The following PSG6 variants were observed in gnomAD, a reference collection of about 807,000 sequenced individuals.
PSG6 encodes the protein pregnancy specific beta-1-glycoprotein 6.
In PSG6, 51 loss-of-function variants were observed where a neutral mutation model predicts 43.3. That is an observed-to-expected ratio of 1.18 (90% CI 0.94 to 1.49). The LOEUF (loss-of-function observed/expected upper bound fraction) is 1.49. Among genes scored for constraint, PSG6 ranks in the 40% most tolerant of loss-of-function variants. The pLI is 0.00. For missense variants in PSG6, 770 were observed against 522.2 expected (o/e 1.47, Z -4.62); for synonymous variants, 292 against 197.6 (o/e 1.48, Z -4.01).
intron 2 of PSG6, among the ~76,000 whole-genome samples, chr19:42,914,812 G>A (rs1419780494): frequency 2.6e-5 from 4 of 151,654 alleles, no homozygotes; most frequent in African/African-American, 4.8e-5. Context: ...CAGGGTGTGA[G>A]TGGGGAAAGA....
intron 4 of PSG6, 51 bp from the exon 5 acceptor site, chr19:42,907,227 T>A (rs747982877): frequency 1.9e-6 from 3 of 1,589,538 alleles, no homozygotes; most frequent in African/African-American, 2.7e-5. Context: ...GGGAAGGGGA[T>A]GCTCCTGGTC....
chr19:42,902,834 A>C (rs1022225008), intron 5 of PSG6, among the ~76,000 whole-genome samples: 6 of 151,304 alleles, frequency 4.0e-5, no homozygotes, highest in South Asian at 2.1e-4. Context: ...GATTCTTTGC[A>C]CTTAGCTTTT....
chr19:42,912,328 A>G (rs948181210), intron 2 of PSG6, among the ~76,000 whole-genome samples: 2 of 151,690 alleles, frequency 1.3e-5, no homozygotes, highest in Non-Finnish European at 2.9e-5. Context: ...GGAAACCTTA[A>G]AATGTTTTCA....
intron 2 of PSG6, among the ~76,000 whole-genome samples, chr19:42,913,077 A>C (rs1318230947): frequency 6.6e-6 from 1 of 151,554 alleles, no homozygotes; most frequent in Non-Finnish European, 1.5e-5. Flanking sequence ...GTTTCTATTG[A>C]CACATTCTCA....
intron 1 of PSG6, 147 bp from the exon 2 acceptor site, chr19:42,916,634 ATG>A (rs1972341292): frequency 7.8e-7 from 1 of 1,284,438 alleles, no homozygotes; most frequent in Non-Finnish European, 1.1e-6. Flanking sequence ...ACAAAAGGGC[ATG>A]TGTGTTTGTG....
At chr19:42,915,174 A>C (rs1416420202) in intron 2 of PSG6, 1 of 151,586 alleles carries the variant, frequency 6.6e-6, no homozygotes, top group Non-Finnish European at 1.5e-5. Context: ...TGTTTGTGTG[A>C]CTGTGGCTCA....
Position 42,902,101 on chromosome 19 carries a change from A to T in PSG6, c.*311T>A. On this transcript the variant is annotated 3_prime_UTR_variant, in exon 6 of 6. Coordinates refer to ENST00000187910, the MANE Select transcript of PSG6 (RefSeq NM_001031850.4). ...AGATTCTTACTGAACTTGTGCAAAT[A>T]ACTTTATTACCATAAACCTATGAAT... 1 of 266,894 alleles carries T rather than the reference A, an allele frequency of 3.7e-6. No individual in the cohort carries two copies. Among genetic ancestry groups the T allele is most frequent in the Non-Finnish European group, 7.2e-6 (1 of 139,050 alleles). The allele number at this position is 266,894 out of a possible 1,614,324, so 16.5% of individuals were successfully genotyped here.
intron 5 of PSG6, 46 bp from the exon 6 acceptor site, chr19:42,902,492 T>C: frequency 6.2e-7 from 1 of 1,600,814 alleles, no homozygotes; most frequent in Non-Finnish European, 8.5e-7. Flanking sequence ...ATTCACTACC[T>C]CCTTTACAGA....
chr19:42,907,999 A>AT, intron 3 of PSG6, 145 bp from the exon 4 acceptor site: 1 of 1,293,998 alleles, frequency 7.7e-7, no homozygotes, highest in South Asian at 1.4e-5. Context: ...AGACAGATGT[A>AT]TGATGATCTA....
intron 5 of PSG6, among the ~76,000 whole-genome samples, chr19:42,902,881 C>T (rs766715086): frequency 6.6e-5 from 10 of 151,486 alleles, no homozygotes; most frequent in Non-Finnish European, 1.2e-4. Context: ...TAACCATGTC[C>T]TAGTGTTTTA....
At chr19:42,917,284 C>T (rs1972354726) in intron 1 of PSG6, among the ~76,000 whole-genome samples, 1 of 151,218 alleles carries the variant, frequency 6.6e-6, no homozygotes, top group African/African-American at 2.4e-5. Flanking sequence ...ATTTTGACCC[C>T]TGTCCCTCTC....
intron 2 of PSG6, chr19:42,915,638 C>T (rs1425753344): frequency 1.1e-5 from 2 of 180,040 alleles, no homozygotes; most frequent in South Asian, 1.6e-4. Context: ...CTGGTAAATC[C>T]TTGGTCCCAG....
In PSG6 at chr19:42,907,286, A is replaced by G. The variant is rs540311164; in HGVS notation, c.986-110T>C. The G allele has an allele frequency of 3.3e-6, 5 of 1,508,754 alleles. No individual in the cohort carries two copies. The East Asian group carries it at 9.0e-5, about 27-fold the overall frequency. 93.5% of individuals were successfully genotyped at this position (1,508,754 alleles called of 1,614,324 possible). On this transcript the variant is annotated intron_variant, in intron 4 of 5. Transcript: ENST00000187910. ...CTGAACCAAGACACAACCTCAAGTG[A>G]CAGCCAAATCCCATCTATGTTTACT...
intron 5 of PSG6, chr19:42,903,696 A>G: frequency 3.9e-6 from 6 of 1,529,456 alleles, no homozygotes; most frequent in Middle Eastern, 2.3e-4. Flanking sequence ...TTGGACCAGC[A>G]TAGGTAACCT....
At chr19:42,905,117 C>G (rs1198544155) in intron 5 of PSG6, among the ~76,000 whole-genome samples, 1 of 151,474 alleles carries the variant, frequency 6.6e-6, no homozygotes, top group Non-Finnish European at 1.5e-5. Context: ...ACACCATGTA[C>G]AAAAATTAAC....
chr19:42,913,883 C>G (rs1358595115), intron 2 of PSG6, among the ~76,000 whole-genome samples: 2 of 151,584 alleles, frequency 1.3e-5, no homozygotes, highest in Admixed American at 1.3e-4. Context: ...ATTTTTTAGT[C>G]CTGTGCCCCT....
chr19:42,907,089 T>A lies in PSG6; in HGVS notation c.1073A>T (p.Asn358Ile), dbSNP rs1400481989. ...NLDLSCFADS[N>I]PPAEYSWTIN... ...TGTCCAAGAATACTCTGCCGGTGGGTTAGAGTCCGCAAAGCAGGACAAGTC... is the reference window on the plus strand; with the variant it reads ...TGTCCAAGAATACTCTGCCGGTGGGATAGAGTCCGCAAAGCAGGACAAGTC... The change falls in exon 5 of 6, where the codon AAC becomes ATC. Residue 358 changes from asparagine to isoleucine, a missense_variant. Asn to Ile is a moderately radical substitution (Grantham distance 149). Coordinates refer to ENST00000187910, the MANE Select transcript of PSG6 (RefSeq NM_001031850.4). The A allele has an allele frequency of 1.2e-6, 2 of 1,612,622 alleles. No individual in the cohort carries two copies. The highest frequency in any genetic ancestry group is 2.2e-5 in the South Asian group (2 of 90,838).
chr19:42,903,757 T>C (rs529393016), intron 5 of PSG6: 2 of 1,514,444 alleles, frequency 1.3e-6, no homozygotes, highest in African/African-American at 1.4e-5. Context: ...GCTGGGCATG[T>C]TGACATGCAC....
At chr19:42,910,181 A>G in intron 3 of PSG6, 1 of 341,702 alleles carries the variant, frequency 2.9e-6, no homozygotes, top group Non-Finnish European at 5.5e-6. Flanking sequence ...CATGCGGAGC[A>G]AAGAGAATAA....
Sources: gnomAD v4.1 joint callset for allele counts (sites outside exome capture counted in the v4.1 genomes callset) on GRCh38, gnomAD v4.1.1 for gene constraint, MANE v1.5 for transcripts, NCBI Gene and HGNC (gene_info 2026-07-23, HGNC 2026-07-21) for gene names.